The following ATIC variants were observed in gnomAD, a reference collection of about 807,000 sequenced individuals.
ATIC encodes the protein bifunctional purine biosynthesis protein ATIC.
A neutral mutation model predicts 72.5 loss-of-function variants in ATIC; 64 were observed. The ratio of observed to expected loss-of-function variants is 0.88; its 90% CI spans 0.72 to 1.09. ATIC has a LOEUF of 1.09. Ranked by LOEUF, ATIC falls within the 50% of genes least tolerant of loss-of-function variation. ATIC has a pLI of 0.00. For synonymous variants in ATIC, 281 were observed against 267.1 expected, an observed-to-expected ratio of 1.05 and a Z score of -0.51; for missense variants, 787 against 732.4, an observed-to-expected ratio of 1.07 and a Z score of -0.86.
chr2:215,327,445 TTGAAG>T (rs2052841630), intron 7 of ATIC, among the ~76,000 whole-genome samples: 2 of 152,164 alleles, frequency 1.3e-5, no homozygotes, highest in Non-Finnish European at 2.9e-5. Flanking sequence ...AGAAGCCCAA[TTGAAG>T]TAGGCCAAAG....
chr2:215,325,931 C>T (rs7563206), intron 5 of ATIC, 56 bp from the exon 6 acceptor site: 717,828 of 1,580,358 alleles, frequency 0.45, 165,880 homozygotes, highest in African/African-American at 0.51. Flanking sequence ...TATTTAAAAG[C>T]GGTTCATAAG....
At chr2:215,328,607 G>A (rs1031645581) in intron 7 of ATIC, among the ~76,000 whole-genome samples, 2 of 152,040 alleles carry the variant, frequency 1.3e-5, no homozygotes, top group South Asian at 4.1e-4. Context: ...TTCCTTGACC[G>A]CTTAGACCAA....
intron 4 of ATIC, among the ~76,000 whole-genome samples, chr2:215,320,153 A>G (rs1002826243): frequency 6.6e-6 from 1 of 152,156 alleles, no homozygotes; most frequent in African/African-American, 2.4e-5. Flanking sequence ...TCAGGTTTTC[A>G]TATTAGGAAT....
At chr2:215,339,158 C>A (rs1486787716) in intron 12 of ATIC, among the ~76,000 whole-genome samples, 1 of 152,162 alleles carries the variant, frequency 6.6e-6, no homozygotes, top group African/African-American at 2.4e-5. Context: ...GGGATCATGT[C>A]TTCCATAATC....
downstream of ATIC, among the ~76,000 whole-genome samples, chr2:215,353,051 C>T (rs968648763): frequency 6.6e-6 from 1 of 152,142 alleles, no homozygotes; most frequent in African/African-American, 2.4e-5. Context: ...CAATTTCTTC[C>T]TGCAGGTTTA....
the ATIC span, among the ~76,000 whole-genome samples, chr2:215,359,936 A>G: frequency 7.0e-6 from 1 of 142,240 alleles, no homozygotes; most frequent in Admixed American, 6.9e-5. Flanking sequence ...TGAATGTCAC[A>G]TTTATTTATT....
chr2:215,331,461 C>T (rs1334875792), intron 7 of ATIC, among the ~76,000 whole-genome samples: 4 of 148,410 alleles, frequency 2.7e-5, no homozygotes, highest in Non-Finnish European at 3.0e-5. Context: ...CGGCTCACTA[C>T]AACCTCCACC....
intron 2 of ATIC, among the ~76,000 whole-genome samples, 176 bp downstream of exon 2, chr2:215,312,800 C>T (rs1258696184): frequency 6.6e-6 from 1 of 152,152 alleles, no homozygotes; most frequent in Non-Finnish European, 1.5e-5. Flanking sequence ...GATTTAGCAA[C>T]TTTTAAGACC....
At chr2:215,345,131 A>T (rs985760074) in intron 13 of ATIC, 1 of 513,274 alleles carries the variant, frequency 1.9e-6, no homozygotes, top group Non-Finnish European at 3.6e-6. Flanking sequence ...GATTAGTGAG[A>T]CTCTAATAGC....
At chr2:215,333,599 A>T (rs928810981) in intron 9 of ATIC, 142 bp downstream of exon 9, 1 of 560,532 alleles carries the variant, frequency 1.8e-6, no homozygotes, top group Non-Finnish European at 3.1e-6. Context: ...TTCTATCTCT[A>T]TGTAAATATA....
In ATIC at chr2:215,334,957, T is replaced by C; in HGVS notation, c.961T>C (p.Leu321=). 6.2e-7 allele frequency: 1 copy of C among 1,613,696 alleles called. No homozygotes were observed. The highest frequency in any genetic ancestry group is 8.5e-7 in the Non-Finnish European group (1 of 1,179,768). The change falls in exon 10 of 16, where the codon TTG becomes CTG. Residue 321 remains leucine (L), a synonymous_variant. Transcript: ENST00000236959. Reference sequence around the variant, plus strand: ...GTCTTCATTTGGTGATTTTGTTGCATTGTCCGATGTTTGTGATGTACCAAC... The same window carrying C: ...GTCTTCATTTGGTGATTTTGTTGCACTGTCCGATGTTTGTGATGTACCAAC... The part of the protein sequence containing the change: ...RMSSFGDFVA[L]SDVCDVPTAK...
At chr2:215,329,911 AC>A (rs34906748) in intron 7 of ATIC, among the ~76,000 whole-genome samples, 39,174 of 151,858 alleles carry the variant, frequency 0.26, 5,985 homozygotes, top group South Asian at 0.47. Flanking sequence ...ACAGGCATGT[AC>A]CACCAGGCCC....
chr2:215,344,599 C>T (rs370834506), intron 12 of ATIC, among the ~76,000 whole-genome samples, 180 bp from the exon 13 acceptor site: 31 of 151,864 alleles, frequency 2.0e-4, no homozygotes, highest in African/African-American at 6.5e-4. Flanking sequence ...CTCTTGCACC[C>T]GGGAGGTGGA....
chr2:215,312,391 G>A (rs762029370), intron 1 of ATIC, 107 bp from the exon 2 acceptor site: 423 of 1,586,296 alleles, frequency 2.7e-4, no homozygotes, highest in Non-Finnish European at 3.2e-4. Flanking sequence ...CAGGGTCCAG[G>A]TGCTGGCCTT....
At chr2:215,321,735 G>A (rs1380236704) in intron 4 of ATIC, among the ~76,000 whole-genome samples, 2 of 152,206 alleles carry the variant, frequency 1.3e-5, no homozygotes, top group African/African-American at 2.4e-5. Context: ...GTGGAACACC[G>A]TTGGATGTGC....
chr2:215,358,603 T>C, the ATIC span, among the ~76,000 whole-genome samples: 1 of 152,252 alleles, frequency 6.6e-6, no homozygotes, highest in African/African-American at 2.4e-5. Context: ...CTCTATACTA[T>C]GCTATTTGCT....
At chr2:215,312,444 C>A in intron 1 of ATIC, 54 bp from the exon 2 acceptor site, 1 of 1,613,840 alleles carries the variant, frequency 6.2e-7, no homozygotes. Context: ...CAAGGCCTTG[C>A]AGAACACAGT....
At chr2:215,315,032 G>C (rs993068693) in intron 2 of ATIC, among the ~76,000 whole-genome samples, 3 of 152,166 alleles carry the variant, frequency 2.0e-5, no homozygotes, top group Non-Finnish European at 4.4e-5. Flanking sequence ...TGATTGGACA[G>C]CAAGGATATG....
intron 4 of ATIC, among the ~76,000 whole-genome samples, chr2:215,322,532 A>G (rs2052779446): frequency 1.3e-5 from 2 of 151,604 alleles, no homozygotes; most frequent in Admixed American, 1.3e-4. Flanking sequence ...GGGTTTCTCC[A>G]TGTTGGCCAG....
Sources: allele counts gnomAD v4.1 joint callset (sites outside exome capture counted in the v4.1 genomes callset), GRCh38; gene constraint gnomAD v4.1.1; transcripts MANE v1.5; gene names NCBI Gene and HGNC (gene_info 2026-07-23, HGNC 2026-07-21).